Variants in DCTN1 observed in about 807,000 individuals in gnomAD.
DCTN1 encodes 150 kDa dynein-associated polypeptide.
A neutral mutation model predicts 161.2 loss-of-function variants in DCTN1; 61 were observed. That is an observed-to-expected ratio of 0.38 (90% confidence interval 0.31 to 0.47). The LOEUF (loss-of-function observed/expected upper bound fraction) is 0.47, where lower values mean the gene tolerates loss of function less well. DCTN1 is among the 20% of genes least tolerant of loss of function. DCTN1 has a pLI of 0.99. For missense variants in DCTN1, 1,404 were observed against 1,623.7 expected (o/e 0.86, Z 2.33); for synonymous variants, 653 against 632.4 (o/e 1.03, Z -0.49).
In DCTN1 at chr2:74,380,204, A is replaced by C. The variant is rs1487959677; in HGVS notation, c.-167T>G. ...GCCTCACTCGGTGGCCTACACGGGT[A>C]GGGGTGGGGGCAGTGATGGGGGCTG... On this transcript the variant is annotated 5_prime_UTR_variant, in exon 1 of 32. Transcript: ENST00000628224. 1.4e-6 allele frequency: 1 copy of C among 734,808 alleles called. No individual in the cohort carries two copies. The highest frequency in any genetic ancestry group is 2.7e-5 in the East Asian group (1 of 37,110). The allele number at this position is 734,808 out of a possible 1,614,324, so 45.5% of individuals were successfully genotyped here. A position where few individuals can be genotyped will look rare whatever the true frequency, so the allele number is the denominator to read the frequency against.
chr2:74,382,409 G>A (rs1365088347), upstream of DCTN1, among the ~76,000 whole-genome samples: 2 of 151,926 alleles, frequency 1.3e-5, no homozygotes, highest in South Asian at 4.2e-4. Context: ...AGACCAGCCT[G>A]GCTGACATGG....
intron 8 of DCTN1, 33 bp from the exon 9 acceptor site, chr2:74,371,209 G>T (rs1558942883): frequency 6.2e-7 from 1 of 1,610,862 alleles, no homozygotes; most frequent in Non-Finnish European, 8.5e-7. Flanking sequence ...TCTGTGCACA[G>T]CCCACTCCTC....
At chr2:74,364,938 C>T in intron 26 of DCTN1, 137 bp downstream of exon 26, 1 of 1,122,386 alleles carries the variant, frequency 8.9e-7, no homozygotes, top group Admixed American at 1.9e-5. Context: ...AAAACTGGCA[C>T]AGAGTGAAAC....
chr2:74,380,007 G>C lies in DCTN1; in HGVS notation c.31C>G (p.Arg11Gly). 6.2e-7 allele frequency: 1 copy of C among 1,614,116 alleles called. No individual in the cohort carries two copies. The highest frequency in any genetic ancestry group is 1.1e-5 in the South Asian group (1 of 91,080). Residue 11 changes from arginine to glycine, a missense_variant and splice_region_variant, in exon 1 of 32, where the codon CGG (arginine) becomes GGG (glycine). Physicochemically the swap from Arg to Gly is moderately radical, Grantham distance 125 (BLOSUM62 -2). This residue lies in a region of DCTN1 where 53 missense variants were observed against 54.4 expected (regional missense o/e 0.97). Transcript: ENST00000628224. The part of the protein sequence containing the change: MAQSKRHVYS[R>G]TPSGSRMSAE... ...CATCCCAGATTAGGGCCACTTACCCGGCTGTACACGTGCCTCTTGCTCTGT... is the reference window on the plus strand; with the variant it reads ...CATCCCAGATTAGGGCCACTTACCCCGCTGTACACGTGCCTCTTGCTCTGT...
Position 74,365,937 on chromosome 2 carries a change from G to C in DCTN1, c.2842C>G (p.Arg948Gly), listed in dbSNP as rs746572197. The C allele has an allele frequency of 1.2e-6, 2 of 1,614,118 alleles. No homozygotes were observed. The highest frequency in any genetic ancestry group is 2.2e-5 in the South Asian group (2 of 91,084). The change falls in exon 24 of 32, where the codon CGA becomes GGA. Residue 948 changes from arginine (R) to glycine (G), a missense_variant. Arg to Gly is a moderately radical substitution (Grantham distance 125). Around this residue, in one of 9 missense-constraint regions of DCTN1, gnomAD observed 475 missense variants for 489.8 expected, o/e 0.97. Transcript: ENST00000628224. ...TTCAACTCCTTAATAACTGTCTCTC[G>C]ATCTTCGAGCTTCAAACCCAGGCCT... ...AEGLGLKLEDRETVIKELKKS... is the reference protein window; with the variant it reads ...AEGLGLKLEDGETVIKELKKS...
Position 74,368,828 on chromosome 2 carries a change from A to C in DCTN1, c.1754T>G (p.Met585Arg). 6.2e-7 allele frequency: 1 copy of C among 1,614,288 alleles called. No homozygotes were observed. Among genetic ancestry groups the C allele is most frequent in the Non-Finnish European group, 8.5e-7 (1 of 1,180,048 alleles). The change falls in exon 16 of 32, where the codon ATG becomes AGG. Residue 585 changes from methionine (M) to arginine (R), a missense_variant. By Grantham distance (91) the Met-to-Arg change is moderately conservative. Around this residue, in one of 9 missense-constraint regions of DCTN1, gnomAD observed 278 missense variants for 363.8 expected, o/e 0.76. Coordinates refer to ENST00000628224, the MANE Select transcript of DCTN1 (RefSeq NM_004082.5). ...QMEVAQANRHMSLLTAFMPDS... is the reference protein window; with the variant it reads ...QMEVAQANRHRSLLTAFMPDS... ...AGGCATGAAGGCTGTCAGCAGGGACATGTGTCGATTGGCCTGGGCCACCTC... is the reference window on the plus strand; with the variant it reads ...AGGCATGAAGGCTGTCAGCAGGGACCTGTGTCGATTGGCCTGGGCCACCTC...
At chr2:74,373,393 A>C in intron 6 of DCTN1, 1 of 272,448 alleles carries the variant, frequency 3.7e-6, no homozygotes, top group South Asian at 4.3e-5. Flanking sequence ...CAAGTGCTAG[A>C]CTCTACACAG....
At position 74,373,249 on chromosome 2, in the gene DCTN1, G is replaced by A. The variant is rs188526677; in HGVS notation, c.433-301C>T. On this transcript the variant is annotated intron_variant, in intron 6 of 31. Coordinates refer to ENST00000628224, the MANE Select transcript of DCTN1 (RefSeq NM_004082.5). ...AAGTCCATCTCTAGGCTGAGCCATA[G>A]AACAAGGAAGCAGCTAGTGAGAAGG... The A allele has an allele frequency of 6.4e-5, 30 of 471,878 alleles. No individual in the cohort carries two copies. In the East Asian group the frequency reaches 1.2e-3, roughly 19 times the overall value. The allele number at this position is 471,878 out of a possible 1,614,324, so 29.2% of individuals were successfully genotyped here.
At chr2:74,376,553 G>C (rs1490444579) in intron 5 of DCTN1, among the ~76,000 whole-genome samples, 189 bp downstream of exon 5, 1 of 152,158 alleles carries the variant, frequency 6.6e-6, no homozygotes, top group East Asian at 1.9e-4. Flanking sequence ...GTGCTACCTG[G>C]GTATGGACAC....
rs1166572704 is a variant in DCTN1, at chr2:74,369,456, C to T, written c.1428G>A (p.Glu476=). The part of the protein sequence containing the change: ...AMNEMNDELQ[E]NARETELELR... Reference sequence around the variant, plus strand: ...GCTCCAGTTCTGTCTCACGTGCATTCTCCTGCAGCTCATCGTTCATCTCAT... The same window carrying T: ...GCTCCAGTTCTGTCTCACGTGCATTTTCCTGCAGCTCATCGTTCATCTCAT... The change falls in exon 14 of 32, where the codon GAG becomes GAA. Residue 476 remains glutamate, a synonymous_variant. Transcript: ENST00000628224. The surrounding 1 kb of genome is among the most constrained non-coding windows in gnomAD (Gnocchi z 4.9). 1 of 1,613,930 alleles carries T rather than the reference C, an allele frequency of 6.2e-7. No individual in the cohort carries two copies. Among genetic ancestry groups the T allele is most frequent in the African/African-American group, 1.3e-5 (1 of 74,924 alleles).
chr2:74,380,455 C>T (rs1675466219), upstream of DCTN1: 1 of 480,950 alleles, frequency 2.1e-6, no homozygotes, highest in South Asian at 1.5e-5. Context: ...TGTCCTAGGG[C>T]TGGAAGCAGT....
intron 1 of DCTN1, among the ~76,000 whole-genome samples, chr2:74,388,774 A>G (rs1675859374): frequency 6.6e-6 from 1 of 152,242 alleles, no homozygotes; most frequent in African/African-American, 2.4e-5. Flanking sequence ...GAAGGTATTC[A>G]ATGTTGAATA....
intron 30 of DCTN1, among the ~76,000 whole-genome samples, chr2:74,362,355 A>G (rs531245469): frequency 6.6e-6 from 1 of 152,120 alleles, no homozygotes; most frequent in Admixed American, 6.6e-5. Context: ...CTCACATTCT[A>G]CCGCTCTTGG....
In DCTN1 at chr2:74,363,113, T is replaced by C; in HGVS notation, c.3410A>G (p.Glu1137Gly). ...AGCTGGTAACTCACTGCCAGGGCCC[T>C]CATGGGATAGCTTTGCAACATGCAG... is the stretch of plus-strand genomic sequence containing the variant. ...PPLHVAKLSH[E>G]GPGSELPAGA... The change falls in exon 29 of 32, where the codon GAG (glutamate) becomes GGG (glycine). Residue 1137 changes from glutamate (E) to glycine (G), a missense_variant. Physicochemically the swap from Glu to Gly is moderately conservative, Grantham distance 98. Around this residue, in one of 9 missense-constraint regions of DCTN1, gnomAD observed 311 missense variants for 298.9 expected, o/e 1.04. Coordinates refer to ENST00000628224, the MANE Select transcript of DCTN1 (RefSeq NM_004082.5). 1 of 1,613,874 alleles carries C rather than the reference T, an allele frequency of 6.2e-7. No homozygotes were observed. Among genetic ancestry groups the C allele is most frequent in the Non-Finnish European group, 8.5e-7 (1 of 1,179,884 alleles).
At chr2:74,388,443 T>A (rs1302190675) in intron 1 of DCTN1, among the ~76,000 whole-genome samples, 1 of 152,160 alleles carries the variant, frequency 6.6e-6, no homozygotes, top group Admixed American at 6.5e-5. Flanking sequence ...TCACCAAAGT[T>A]CTCTTTTATT....
In DCTN1 at chr2:74,365,664, A is replaced by G. The variant is rs1674351690; in HGVS notation, c.2887-7T>C. 2 of 1,614,098 alleles carry G rather than the reference A, an allele frequency of 1.2e-6. No homozygotes were observed. Among genetic ancestry groups the G allele is most frequent in the Non-Finnish European group, 1.7e-6 (2 of 1,180,012 alleles). On this transcript the variant is annotated splice_region_variant and splice_polypyrimidine_tract_variant and intron_variant, in intron 24 of 31. Coordinates refer to ENST00000628224, the MANE Select transcript of DCTN1 (RefSeq NM_004082.5). ...CCTCACTTAGCTCCTCTCCCTGGACAAGGACAGAACTTCTAGATCCCTGAC... is the reference window on the plus strand; with the variant it reads ...CCTCACTTAGCTCCTCTCCCTGGACGAGGACAGAACTTCTAGATCCCTGAC...
intron 1 of DCTN1, 146 bp downstream of exon 1, chr2:74,379,859 G>C (rs886560658): frequency 6.1e-6 from 5 of 817,930 alleles, no homozygotes; most frequent in East Asian, 2.7e-5. Context: ...CACCACCAGG[G>C]CTTCGAGGGC....
At chr2:74,380,545 A>G, upstream of DCTN1, 3 of 472,258 alleles carry the variant, frequency 6.4e-6, no homozygotes, top group Non-Finnish European at 1.3e-5. Context: ...CAGCAGGCCC[A>G]TAAGCATCAA....
At chr2:74,368,266 C>T in intron 16 of DCTN1, 135 bp from the exon 17 acceptor site, 1 of 1,213,802 alleles carries the variant, frequency 8.2e-7, no homozygotes, top group Non-Finnish European at 1.2e-6. Flanking sequence ...ATAGCTCTTA[C>T]CTGGGTGGGG....
Sources: gnomAD v4.1 joint callset for allele counts (sites outside exome capture counted in the v4.1 genomes callset) on GRCh38, gnomAD v4.1.1 for gene constraint, gnomAD v4.1.1 regional missense constraint, Gnocchi (gnomAD v3.1) non-coding constraint, MANE v1.5 for transcripts, NCBI Gene and HGNC (gene_info 2026-07-23, HGNC 2026-07-21) for gene names.